Variants in HS3ST4 observed in about 807,000 individuals in gnomAD.
The protein encoded by HS3ST4 is heparan sulfate-glucosamine 3-sulfotransferase 4.
A neutral mutation model predicts 29.2 loss-of-function variants in HS3ST4; 17 were observed. That is an observed-to-expected ratio of 0.58 (90% CI 0.40 to 0.87). The LOEUF is 0.87. Among genes scored for constraint, HS3ST4 ranks in the 40% least tolerant of loss-of-function variants. HS3ST4 has a pLI of 0.00. For synonymous variants in HS3ST4, 314 were observed against 285.7 expected, an observed-to-expected ratio of 1.10 and a Z score of -1.00; for missense variants, 627 against 634.5, an observed-to-expected ratio of 0.99 and a Z score of 0.13.
intron 1 of HS3ST4, among the ~76,000 whole-genome samples, chr16:25,698,433 G>A (rs1224511155): frequency 6.6e-6 from 1 of 152,142 alleles, no homozygotes; most frequent in Non-Finnish European, 1.5e-5. Flanking sequence ...TAAAAGCACT[G>A]TTTTTGTTGC....
At chr16:26,065,518 T>C (rs1338454823) in intron 1 of HS3ST4, among the ~76,000 whole-genome samples, 1 of 152,054 alleles carries the variant, frequency 6.6e-6, no homozygotes, top group Non-Finnish European at 1.5e-5. Flanking sequence ...AAATAGCTAA[T>C]GGGTAGTGGG....
At chr16:25,873,790 A>G (rs542629744) in intron 1 of HS3ST4, among the ~76,000 whole-genome samples, 1 of 152,022 alleles carries the variant, frequency 6.6e-6, no homozygotes, top group South Asian at 2.1e-4. Flanking sequence ...TCTTTCATCC[A>G]TCCATTCATC....
At chr16:25,873,390 C>T (rs879903091) in intron 1 of HS3ST4, among the ~76,000 whole-genome samples, 3,276 of 139,912 alleles carry the variant, frequency 0.023, 51 homozygotes, top group South Asian at 0.037. Flanking sequence ...ATCCATCCAT[C>T]CATCCATCCA....
chr16:25,761,466 A>G (rs11640076), intron 1 of HS3ST4, among the ~76,000 whole-genome samples: 34,622 of 152,160 alleles, frequency 0.23, 4,485 homozygotes, highest in East Asian at 0.55. Context: ...CTTGGAGAGC[A>G]TAGTCCTGGA....
At chr16:25,889,519 G>C (rs996604302) in intron 1 of HS3ST4, among the ~76,000 whole-genome samples, 1 of 152,172 alleles carries the variant, frequency 6.6e-6, no homozygotes, top group African/African-American at 2.4e-5. Context: ...TGAACACTTA[G>C]AAATCTGAGG....
chr16:25,891,512 G>T (rs558143967), intron 1 of HS3ST4, among the ~76,000 whole-genome samples: 7 of 152,180 alleles, frequency 4.6e-5, no homozygotes, highest in African/African-American at 1.4e-4. Flanking sequence ...TCAGCTGCCA[G>T]GTAGAACACT....
chr16:25,912,787 A>C (rs535398558), intron 1 of HS3ST4, among the ~76,000 whole-genome samples: 4 of 152,268 alleles, frequency 2.6e-5, no homozygotes, highest in African/African-American at 9.6e-5. Flanking sequence ...CTGTCTGGAG[A>C]AGGACATAGT....
chr16:25,855,754 T>C (rs1040647059), intron 1 of HS3ST4, among the ~76,000 whole-genome samples: 1 of 152,206 alleles, frequency 6.6e-6, no homozygotes, highest in Non-Finnish European at 1.5e-5. Context: ...TGTGTGTGTA[T>C]GTTTAGTCGT....
At chr16:25,946,140 T>C (rs1231242055) in intron 1 of HS3ST4, among the ~76,000 whole-genome samples, 1 of 152,208 alleles carries the variant, frequency 6.6e-6, no homozygotes, top group Non-Finnish European at 1.5e-5. Context: ...TTGAAGGTGA[T>C]GGTGTAGACA....
intron 1 of HS3ST4, among the ~76,000 whole-genome samples, chr16:25,875,846 G>A (rs1051553455): frequency 6.6e-5 from 10 of 152,032 alleles, no homozygotes; most frequent in African/African-American, 2.2e-4. Flanking sequence ...TCCAGCTGAG[G>A]GCAATAATTC....
chr16:25,696,554 AGT>A (rs1193216733), intron 1 of HS3ST4, among the ~76,000 whole-genome samples: 2 of 151,598 alleles, frequency 1.3e-5, no homozygotes, highest in Non-Finnish European at 2.9e-5. Flanking sequence ...GCTGGAGTGC[AGT>A]GGCGCAATCT....
intron 1 of HS3ST4, among the ~76,000 whole-genome samples, chr16:26,063,829 C>T (rs961028321): frequency 9.2e-5 from 14 of 152,088 alleles, no homozygotes; most frequent in Admixed American, 4.6e-4. Context: ...TTGCATGGGC[C>T]GGGGACACAG....
intron 1 of HS3ST4, among the ~76,000 whole-genome samples, chr16:26,021,898 G>A (rs1034933432): frequency 6.6e-6 from 1 of 151,824 alleles, no homozygotes; most frequent in Non-Finnish European, 1.5e-5. Context: ...TCCTGACCTC[G>A]TGATCTGCCC....
intron 1 of HS3ST4, among the ~76,000 whole-genome samples, chr16:25,743,287 T>C (rs910240302): frequency 1.3e-5 from 2 of 152,216 alleles, no homozygotes; most frequent in Non-Finnish European, 2.9e-5. Flanking sequence ...TCAGTTTGCT[T>C]ATCTGTACAA....
chr16:25,709,555 G>A (rs1372067215), intron 1 of HS3ST4, among the ~76,000 whole-genome samples: 1 of 152,082 alleles, frequency 6.6e-6, no homozygotes, highest in Non-Finnish European at 1.5e-5. Context: ...AGGTTCCACC[G>A]GCTTGCATGG....
At chr16:25,701,775 T>A (rs775015168) in intron 1 of HS3ST4, among the ~76,000 whole-genome samples, 3 of 151,940 alleles carry the variant, frequency 2.0e-5, no homozygotes, top group Non-Finnish European at 2.9e-5. Context: ...ACTCACAGAG[T>A]GGAGAAATGG....
At chr16:25,773,899 C>T (rs1387617849) in intron 1 of HS3ST4, among the ~76,000 whole-genome samples, 2 of 152,104 alleles carry the variant, frequency 1.3e-5, no homozygotes, top group Non-Finnish European at 2.9e-5. Flanking sequence ...TGACCTGTCC[C>T]TTTAAACCAG....
intron 1 of HS3ST4, among the ~76,000 whole-genome samples, chr16:26,022,710 A>G (rs1969426322): frequency 7.0e-6 from 1 of 143,676 alleles, no homozygotes; most frequent in Non-Finnish European, 1.5e-5. Context: ...GAGTCTTGCT[A>G]TGTTGCCCAG....
chr16:25,849,904 T>C (rs1271811812), intron 1 of HS3ST4, among the ~76,000 whole-genome samples: 1 of 152,146 alleles, frequency 6.6e-6, no homozygotes, highest in Non-Finnish European at 1.5e-5. Flanking sequence ...CTGATACTTA[T>C]GTTGCTAATT....
Sources: allele counts gnomAD v4.1 joint callset (sites outside exome capture counted in the v4.1 genomes callset), GRCh38; gene constraint gnomAD v4.1.1; transcripts MANE v1.5; gene names NCBI Gene and HGNC (gene_info 2026-07-23, HGNC 2026-07-21).